Variants in FCRL3 observed in about 807,000 individuals in gnomAD.
FCRL3 encodes Fc receptor like 3, also known as Fc receptor-like protein 3.
FCRL3 carries 89 observed loss-of-function variants against 75.0 expected under a neutral mutation model. The observed-to-expected ratio is 1.19, with a 90% CI of 1.00 to 1.42. The LOEUF is 1.42. Ranked by LOEUF, FCRL3 falls within the 40% of genes most tolerant of loss-of-function variation. FCRL3 has a pLI of 0.00. For missense variants in FCRL3, 946 were observed against 880.0 expected, an observed-to-expected ratio of 1.07 and a Z score of -0.95; for synonymous variants, 376 against 348.5, an observed-to-expected ratio of 1.08 and a Z score of -0.88.
intron 10 of FCRL3, among the ~76,000 whole-genome samples, chr1:157,687,449 A>T (rs12077828): frequency 0.26 from 29,696 of 116,048 alleles, 4,540 homozygotes; most frequent in African/African-American, 0.41. Flanking sequence ...ACGCTCACAA[A>T]AAAATAAATC....
chr1:157,690,685 C>T, intron 8 of FCRL3, 152 bp from the exon 9 acceptor site: 3 of 926,288 alleles, frequency 3.2e-6, no homozygotes, highest in East Asian at 2.7e-5. Context: ...CCTTTATTAG[C>T]TCTATAAGCT....
chr1:157,687,385 T>C (rs1333211313), intron 10 of FCRL3, among the ~76,000 whole-genome samples: 2 of 138,832 alleles, frequency 1.4e-5, no homozygotes, highest in Non-Finnish European at 3.1e-5. Context: ...TGGAGATTTC[T>C]CAAAGAACTT....
chr1:157,683,209 G>T lies in FCRL3; in HGVS notation c.1838+8C>A. The T allele has an allele frequency of 6.2e-7, 1 of 1,612,858 alleles. No individual in the cohort carries two copies. Among genetic ancestry groups the T allele is most frequent in the Non-Finnish European group, 8.5e-7 (1 of 1,179,502 alleles). Reference sequence around the variant, plus strand: ...AAATGTTGGCAGCACAAGAAGCAGAGACCTCACCTAGATGTTCCAGTGGCA... The same window carrying T: ...AAATGTTGGCAGCACAAGAAGCAGATACCTCACCTAGATGTTCCAGTGGCA... On this transcript the variant is annotated splice_region_variant and intron_variant, in intron 11 of 14. Coordinates refer to ENST00000368184, the MANE Select transcript of FCRL3 (RefSeq NM_052939.4).
intron 11 of FCRL3, 134 bp downstream of exon 11, chr1:157,683,083 T>C (rs1404114503): frequency 1.1e-6 from 1 of 937,746 alleles, no homozygotes; most frequent in Admixed American, 2.8e-5. Context: ...TTCACTTATA[T>C]CTACTTTTTT....
intron 3 of FCRL3, 105 bp from the exon 4 acceptor site, chr1:157,698,734 C>A (rs1174750016): frequency 4.3e-6 from 5 of 1,159,918 alleles, no homozygotes; most frequent in Middle Eastern, 2.5e-4. Context: ...GACTAATTTC[C>A]AGTCAGGACC....
intron 11 of FCRL3, among the ~76,000 whole-genome samples, chr1:157,682,713 T>A (rs1262700211): frequency 6.6e-6 from 1 of 152,262 alleles, no homozygotes; most frequent in Non-Finnish European, 1.5e-5. Flanking sequence ...TTGTCTTTTT[T>A]AAAAGGTCCC....
At position 157,697,780 on chromosome 1, in the gene FCRL3, T is replaced by C. The variant is rs761057930; in HGVS notation, c.438A>G (p.Leu146=). The C allele has an allele frequency of 3.1e-6, 5 of 1,614,058 alleles. No individual in the cohort carries two copies. The South Asian group carries it at 5.5e-5, about 18-fold the overall frequency. Residue 146 remains leucine (L), a synonymous_variant, in exon 5 of 15, where the codon TTA becomes TTG. Transcript: ENST00000368184. ...DGKQLPNSYN[L]EKITVNSVSR... is the part of the protein sequence containing the mutation. Reference sequence around the variant, plus strand: ...AGACTGAATTCACTGTGATCTTCTCTAAATTATAACTATTAGGAAGCTGTT... The same window carrying C: ...AGACTGAATTCACTGTGATCTTCTCCAAATTATAACTATTAGGAAGCTGTT...
Position 157,693,961 on chromosome 1 carries a change from G to A in FCRL3, c.1411+1368C>T, listed in dbSNP as rs149133404. On this transcript the variant is annotated intron_variant, in intron 8 of 14. Transcript: ENST00000368184. ...ACAGGGGTTTCTCCATATTGCCCAC[G>A]CTGGTCTCAAACTCCTAAGCTCAAG... is the stretch of plus-strand genomic sequence containing the variant. 3.5e-3 allele frequency among the ~76,000 whole-genome samples: 528 copies of A among 151,978 alleles called. 1 individual carries two copies. Among genetic ancestry groups the A allele is most frequent in the African/African-American group, 0.012 (506 of 41,444 alleles).
chr1:157,683,102 A>G (rs2101592491), intron 11 of FCRL3, 115 bp downstream of exon 11: 1 of 1,177,236 alleles, frequency 8.5e-7, no homozygotes, highest in Non-Finnish European at 1.2e-6. Context: ...TTATTTTGTA[A>G]GAACGTAAAA....
At position 157,689,807 on chromosome 1, in the gene FCRL3, T is replaced by G. The variant is rs913678596; in HGVS notation, c.1801A>C (p.Arg601=). 1.2e-6 allele frequency: 2 copies of G among 1,614,056 alleles called. No individual in the cohort carries two copies. Among genetic ancestry groups the G allele is most frequent in the African/African-American group, 2.7e-5 (2 of 74,912 alleles). Residue 601 remains arginine, a synonymous_variant, in exon 10 of 15, where the codon AGG becomes CGG. Coordinates refer to ENST00000368184, the MANE Select transcript of FCRL3 (RefSeq NM_052939.4). ...GGACCTAGACACCCACCTGGTTTCC[T>G]TCGGGCCCTGGCGTAATGCAGCAGA... ...AALLHYARAR[R]KPGGLSATGT... is the part of the protein sequence containing the mutation.
rs138291587 is a variant in FCRL3 at position 157,690,430 on chromosome 1, C to A, written c.1515G>T (p.Pro505=). 2.5e-6 allele frequency: 4 copies of A among 1,614,218 alleles called. No homozygotes were observed. The highest frequency in any genetic ancestry group is 1.3e-5 in the African/African-American group (1 of 75,044). ...LHCESLRGSF[P]ILYWFYHEDD... ...CCTCGTGATAAAACCAGTACAGGAT[C>A]GGGAAGGAGCCTCTCAGGGACTCAC... is the stretch of plus-strand genomic sequence containing the variant. Residue 505 remains proline (P), a synonymous_variant, in exon 9 of 15, where the codon CCG becomes CCT. Transcript: ENST00000368184.
chr1:157,687,242 T>A (rs1194328058), intron 10 of FCRL3, among the ~76,000 whole-genome samples: 1 of 150,418 alleles, frequency 6.6e-6, no homozygotes, highest in African/African-American at 2.4e-5. Flanking sequence ...TCAGATACTA[T>A]CTCACACCAG....
chr1:157,683,188 G>T (rs1557822735), intron 11 of FCRL3, 29 bp downstream of exon 11: 1 of 1,604,748 alleles, frequency 6.2e-7, no homozygotes. Flanking sequence ...TCATGAAAAT[G>T]TTGGCAGCAC....
chr1:157,686,315 C>T (rs1461877278), intron 10 of FCRL3, among the ~76,000 whole-genome samples: 1 of 151,868 alleles, frequency 6.6e-6, no homozygotes, highest in Non-Finnish European at 1.5e-5. Flanking sequence ...AAAAATATTG[C>T]ATGCTCATAG....
rs775741944 is a variant in FCRL3, at chr1:157,690,459, G to A, written c.1486C>T (p.His496Tyr). 2.5e-6 allele frequency: 4 copies of A among 1,614,254 alleles called. No individual in the cohort carries two copies. Among genetic ancestry groups the A allele is most frequent in the Non-Finnish European group, 3.4e-6 (4 of 1,180,034 alleles). The change falls in exon 9 of 15, where the codon CAC becomes TAC. Residue 496 changes from histidine to tyrosine, a missense_variant. Coordinates refer to ENST00000368184, the MANE Select transcript of FCRL3 (RefSeq NM_052939.4). Reference protein sequence around the residue: ...QAVVGDLLELHCESLRGSFPI... With the variant: ...QAVVGDLLELYCESLRGSFPI... Reference sequence around the variant, plus strand: ...AAGGAGCCTCTCAGGGACTCACAGTGAAGCTCCAGCAGGTCCCCCACCACA... The same window carrying A: ...AAGGAGCCTCTCAGGGACTCACAGTAAAGCTCCAGCAGGTCCCCCACCACA...
chr1:157,690,173 G>A (rs1655424979), intron 9 of FCRL3, 82 bp downstream of exon 9: 1 of 1,542,180 alleles, frequency 6.5e-7, no homozygotes. Context: ...CCTCCTTGGT[G>A]CTAGTAGAAT....
rs753341395 is a variant in FCRL3 at position 157,681,051 on chromosome 1, C to T, written c.1887G>A (p.Arg629=). Residue 629 remains arginine (R), a synonymous_variant, in exon 12 of 15, where the codon AGG becomes AGA. Coordinates refer to ENST00000368184, the MANE Select transcript of FCRL3 (RefSeq NM_052939.4). ...AGTGAGTGGGCTCTTGAGGGTCTAT[C>T]CTGGAAGGCCTGGACGAGGAAGGCT... ...CQEPSSSRPS[R]IDPQEPTHSK... 8 of 1,604,048 alleles carry T rather than the reference C, an allele frequency of 5.0e-6. No homozygotes were observed. In the East Asian group the frequency reaches 8.9e-5, roughly 18 times the overall value.
At chr1:157,683,371 T>C (rs770009843) in intron 10 of FCRL3, 127 bp from the exon 11 acceptor site, 1 of 1,167,476 alleles carries the variant, frequency 8.6e-7, no homozygotes, top group Non-Finnish European at 1.2e-6. Flanking sequence ...TCAAGGATTA[T>C]CCAGCTCCAC....
In FCRL3 at chr1:157,699,716, T is replaced by C. The variant is rs1656190207; in HGVS notation, c.32-4A>G. 1 of 1,613,374 alleles carries C rather than the reference T, an allele frequency of 6.2e-7. No homozygotes were observed. The highest frequency in any genetic ancestry group is 8.5e-7 in the Non-Finnish European group (1 of 1,179,712). ...CCTGATTGTTCTCTTCCAGGAGCTG[T>C]GAGGGAGCAGAAAATGACAATCAGA... On this transcript the variant is annotated splice_polypyrimidine_tract_variant and splice_region_variant and intron_variant, in intron 2 of 14. Coordinates refer to ENST00000368184, the MANE Select transcript of FCRL3 (RefSeq NM_052939.4).
Sources: gnomAD v4.1 joint callset for allele counts (sites outside exome capture counted in the v4.1 genomes callset) on GRCh38, gnomAD v4.1.1 for gene constraint, MANE v1.5 for transcripts, NCBI Gene and HGNC (gene_info 2026-07-23, HGNC 2026-07-21) for gene names.